Variants in SMARCA2 observed in about 807,000 individuals in gnomAD.
SMARCA2 encodes the protein SWI/SNF-related matrix-associated actin-dependent regulator of chromatin subfamily A member 2.
In SMARCA2, 61 loss-of-function variants were observed where a neutral mutation model predicts 199.8. The ratio of observed to expected loss-of-function variants is 0.31; its 90% CI spans 0.25 to 0.38. The LOEUF (loss-of-function observed/expected upper bound fraction) is 0.38, where lower values mean the gene tolerates loss of function less well. Among genes scored for constraint, SMARCA2 ranks in the 10% least tolerant of loss-of-function variants. The pLI, the probability that SMARCA2 is intolerant of heterozygous loss-of-function variation, is 1.00. For synonymous variants in SMARCA2, 935 were observed against 732.0 expected (o/e 1.28, Z -4.48); for missense variants, 1,344 against 2,012.2 (o/e 0.67, Z 6.35).
chr9:2,125,770 G>A (rs1418947072), intron 27 of SMARCA2, among the ~76,000 whole-genome samples: 3 of 152,196 alleles, frequency 2.0e-5, no homozygotes, highest in East Asian at 1.9e-4. Flanking sequence ...GATTACAGGC[G>A]TGAGCCACCG....
intron 1 of SMARCA2, among the ~76,000 whole-genome samples, chr9:2,020,629 G>A (rs1818559595): frequency 6.6e-6 from 1 of 152,086 alleles, no homozygotes; most frequent in South Asian, 2.1e-4. Flanking sequence ...CAAAACTGCA[G>A]CTTTCTTACT....
intron 14 of SMARCA2, among the ~76,000 whole-genome samples, chr9:2,080,923 T>C (rs1821540338): frequency 6.6e-6 from 1 of 152,232 alleles, no homozygotes; most frequent in African/African-American, 2.4e-5. Flanking sequence ...TTGGTATCTA[T>C]CTGCTACAGC....
intron 28 of SMARCA2, among the ~76,000 whole-genome samples, chr9:2,168,927 A>G (rs1031792494): frequency 2.6e-5 from 4 of 152,106 alleles, no homozygotes; most frequent in South Asian, 2.1e-4. Context: ...GTTAGTTACA[A>G]TCTACTCTGT....
chr9:2,130,782 C>G (rs941463758), intron 27 of SMARCA2, among the ~76,000 whole-genome samples: 3 of 152,004 alleles, frequency 2.0e-5, no homozygotes, highest in African/African-American at 7.2e-5. Flanking sequence ...TTGATAATTT[C>G]TTGGAAACAT....
At chr9:2,133,873 G>A (rs1471831134) in intron 27 of SMARCA2, among the ~76,000 whole-genome samples, 1 of 152,090 alleles carries the variant, frequency 6.6e-6, no homozygotes, top group African/African-American at 2.4e-5. Flanking sequence ...GTGATTAAGA[G>A]TACATGCCTT....
rs553228078 is a variant in SMARCA2 at position 2,090,028 on chromosome 9, A to C, written c.2883+1415A>C. Among the ~76,000 whole-genome samples the C allele has an allele frequency of 6.8e-4, 104 of 152,286 alleles. 1 individual carries two copies. Among genetic ancestry groups the C allele is most frequent in the African/African-American group, 2.3e-3 (94 of 41,564 alleles). ...TGGCTAATACAGATAGATTTTTAAA[A>C]ATATATTGCAAGTTGAAAGTATGTT... is the stretch of plus-strand genomic sequence containing the variant. On this transcript the variant is annotated intron_variant, in intron 19 of 33. Coordinates refer to ENST00000349721, the MANE Select transcript of SMARCA2 (RefSeq NM_003070.5).
At chr9:2,137,386 C>T (rs1222680960) in intron 27 of SMARCA2, among the ~76,000 whole-genome samples, 1 of 152,154 alleles carries the variant, frequency 6.6e-6, no homozygotes, top group Admixed American at 6.5e-5. Flanking sequence ...GTCTATAAGG[C>T]CACAATCACC....
chr9:2,110,045 T>C lies in SMARCA2; in HGVS notation c.3293-209T>C, dbSNP rs764238738. On this transcript the variant is annotated intron_variant, in intron 23 of 33. Transcript: ENST00000349721. The surrounding 1 kb of genome is among the most constrained non-coding windows in gnomAD (Gnocchi z 4.8). ...TTGTGAAGTTGCGAAGATGCCTCAT[T>C]AGAAATGTTTAAGCTGTTTCTTTCT... is the stretch of plus-strand genomic sequence containing the variant. Among the ~76,000 whole-genome samples, 2 of 152,250 alleles carry C rather than the reference T, an allele frequency of 1.3e-5. No individual in the cohort carries two copies. The highest frequency in any genetic ancestry group is 4.8e-5 in the African/African-American group (2 of 41,466).
chr9:2,109,672 C>G (rs776285914), intron 23 of SMARCA2, among the ~76,000 whole-genome samples: 1 of 151,726 alleles, frequency 6.6e-6, no homozygotes, highest in Admixed American at 6.6e-5. Context: ...GTCTTGCTAA[C>G]AAGGATAAAA....
At chr9:2,181,485 T>G (rs1268146250) in intron 29 of SMARCA2, 86 bp from the exon 30 acceptor site, 1 of 748,748 alleles carries the variant, frequency 1.3e-6, no homozygotes, top group Non-Finnish European at 2.4e-6. Context: ...TAATTTACTT[T>G]GTTGACATGT....
At chr9:2,093,074 G>T (rs1335694154) in intron 19 of SMARCA2, among the ~76,000 whole-genome samples, 2 of 152,170 alleles carry the variant, frequency 1.3e-5, no homozygotes, top group Admixed American at 1.3e-4. Context: ...CCAGGTGGGA[G>T]GCACAATATA....
intron 27 of SMARCA2, among the ~76,000 whole-genome samples, chr9:2,145,062 G>T (rs181717780): frequency 6.6e-6 from 1 of 152,282 alleles, no homozygotes; most frequent in Non-Finnish European, 1.5e-5. Flanking sequence ...CATTTTGGGA[G>T]GCCTAGGCGG....
chr9:2,105,879 A>G (rs1822733945), intron 23 of SMARCA2, among the ~76,000 whole-genome samples: 1 of 152,156 alleles, frequency 6.6e-6, no homozygotes, highest in South Asian at 2.1e-4. Flanking sequence ...TTCCAATCTC[A>G]GGTCTCTGAC....
At chr9:2,152,492 G>A (rs928432411) in intron 27 of SMARCA2, among the ~76,000 whole-genome samples, 1 of 152,074 alleles carries the variant, frequency 6.6e-6, no homozygotes, top group Non-Finnish European at 1.5e-5. Context: ...GGCAGAGGCT[G>A]CAGTGAGCTG....
At position 2,170,437 on chromosome 9, in the gene SMARCA2, G is replaced by T. The variant is rs558384854; in HGVS notation, c.4218G>T (p.Val1406=). ...ACCGCAGGTGTAACGTGGAGAAGGT[G>T]CCCAGTAATTCTCAGTTGGAAATAG... is the stretch of plus-strand genomic sequence containing the variant. ...NYKDRCNVEK[V]PSNSQLEIEG... is the part of the protein sequence containing the mutation. The change falls in exon 29 of 34, where the codon GTG becomes GTT. Residue 1406 remains valine (V), a synonymous_variant. Coordinates refer to ENST00000349721, the MANE Select transcript of SMARCA2 (RefSeq NM_003070.5). The surrounding 1 kb of genome is among the most constrained non-coding windows in gnomAD (Gnocchi z 4.7). 4 of 1,614,080 alleles carry T rather than the reference G, an allele frequency of 2.5e-6. No individual in the cohort carries two copies.
chr9:2,182,478 CTTTTTTTT>C lies in SMARCA2; in HGVS notation c.4461+256_4461+263del, dbSNP rs145095906. On this transcript the variant is annotated intron_variant, in intron 31 of 33. Transcript: ENST00000349721. ...CACACTTCTTTTCAAAGCTTATAGT[CTTTTTTTT>C]TTTTTTTTTTTTTTTTTTTCCTTTT... Among the ~76,000 whole-genome samples, 302 of 96,710 alleles carry C rather than the reference CTTTTTTTT, an allele frequency of 3.1e-3. No individual in the cohort carries two copies. In the Middle Eastern group the frequency reaches 0.037, roughly 12 times the overall value. 63.4% of individuals were successfully genotyped at this position (96,710 alleles called of 152,430 possible).
chr9:2,124,621 G>T (rs1036018830), intron 27 of SMARCA2, among the ~76,000 whole-genome samples: 6 of 152,198 alleles, frequency 3.9e-5, no homozygotes, highest in Non-Finnish European at 1.5e-5. Context: ...ACAGATTAGA[G>T]CCTGGGACTC....
intron 24 of SMARCA2, among the ~76,000 whole-genome samples, chr9:2,111,005 A>T (rs1487507894): frequency 6.6e-6 from 1 of 151,310 alleles, no homozygotes; most frequent in African/African-American, 2.4e-5. Context: ...TTAGCCAGGT[A>T]AGTTCAGGGC....
intron 9 of SMARCA2, among the ~76,000 whole-genome samples, chr9:2,061,741 T>C (rs569275322): frequency 6.6e-6 from 1 of 152,188 alleles, no homozygotes; most frequent in Admixed American, 6.5e-5. Context: ...GAAGTCAGAA[T>C]TGTAAAGGTT....
Sources: gnomAD v4.1 joint callset for allele counts (sites outside exome capture counted in the v4.1 genomes callset) on GRCh38, gnomAD v4.1.1 for gene constraint, Gnocchi (gnomAD v3.1) non-coding constraint, MANE v1.5 for transcripts, NCBI Gene and HGNC (gene_info 2026-07-23, HGNC 2026-07-21) for gene names.